OR2L13: variants seen among roughly 807,000 people sequenced by gnomAD.
OR2L13 encodes olfactory receptor 2L13.
OR2L13 carries 14 observed loss-of-function variants against 15.3 expected under a neutral mutation model. The observed-to-expected ratio is 0.91, with a 90% confidence interval of 0.60 to 1.43. OR2L13 has a LOEUF of 1.43. Ranked by LOEUF, OR2L13 falls within the 40% of genes most tolerant of loss-of-function variation. The pLI is 0.00. For synonymous variants in OR2L13, 152 were observed against 142.9 expected (o/e 1.06, Z -0.45); for missense variants, 367 against 387.9 (o/e 0.95, Z 0.45).
the OR2L13 span, chr1:247,965,551 A>T: frequency 3.7e-5 from 59 of 1,610,364 alleles, no homozygotes; most frequent in Non-Finnish European, 4.7e-5. Context: ...CCACACTCCA[A>T]TGTACTTTCT....
the OR2L13 span, among the ~76,000 whole-genome samples, chr1:247,987,330 G>C: frequency 2.0e-5 from 3 of 151,960 alleles, no homozygotes; most frequent in Non-Finnish European, 2.9e-5. Context: ...AAATTATCCT[G>C]CTTCCTTTCT....
At chr1:247,963,551 A>G in the OR2L13 span, among the ~76,000 whole-genome samples, 1 of 152,202 alleles carries the variant, frequency 6.6e-6, no homozygotes, top group Admixed American at 6.5e-5. Flanking sequence ...TGAAAAACAT[A>G]CATGCTTGGG....
intron 1 of OR2L13, among the ~76,000 whole-genome samples, chr1:248,097,664 A>C (rs1664767302): frequency 6.6e-6 from 1 of 152,158 alleles, no homozygotes; most frequent in African/African-American, 2.4e-5. Flanking sequence ...CTTCAAAACA[A>C]CTCCAGGATG....
At chr1:248,027,146 C>T in the OR2L13 span, among the ~76,000 whole-genome samples, 6 of 152,154 alleles carry the variant, frequency 3.9e-5, no homozygotes, top group African/African-American at 1.4e-4. Flanking sequence ...TCTAAAATGG[C>T]CACTTTGGGG....
chr1:248,040,521 C>T, the OR2L13 span: 3 of 152,314 alleles, frequency 2.0e-5, no homozygotes, highest in Admixed American at 1.3e-4. Flanking sequence ...TCCTCCGCCT[C>T]AGCCCACTCA....
the OR2L13 span, chr1:247,949,374 A>T: frequency 1.2e-6 from 2 of 1,614,208 alleles, no homozygotes; most frequent in Non-Finnish European, 1.7e-6. Flanking sequence ...ATCCAGGGCC[A>T]TCAATCATTT....
chr1:247,958,039 G>A, the OR2L13 span, among the ~76,000 whole-genome samples: 2 of 152,010 alleles, frequency 1.3e-5, no homozygotes. Flanking sequence ...ATGTTAGGGT[G>A]TCAATTTTAG....
At chr1:248,001,916 C>T in the OR2L13 span, among the ~76,000 whole-genome samples, 9 of 152,012 alleles carry the variant, frequency 5.9e-5, no homozygotes, top group Non-Finnish European at 1.3e-4. Flanking sequence ...TTAGACAGCC[C>T]TCTGTAAAAT....
the OR2L13 span, chr1:248,040,358 TAAG>T: frequency 6.6e-6 from 1 of 152,274 alleles, no homozygotes; most frequent in African/African-American, 2.4e-5. Flanking sequence ...AATGAGCAAG[TAAG>T]AAGAGCCTCA....
the OR2L13 span, among the ~76,000 whole-genome samples, chr1:248,068,203 T>TCCCTGAC: frequency 6.6e-6 from 1 of 152,072 alleles, no homozygotes; most frequent in Non-Finnish European, 1.5e-5. Context: ...CTCAAGTGGG[T>TCCCTGAC]CCCTGACCCC....
At chr1:248,030,523 A>G in the OR2L13 span, among the ~76,000 whole-genome samples, 75 of 152,344 alleles carry the variant, frequency 4.9e-4, no homozygotes, top group African/African-American at 1.6e-3. Flanking sequence ...CATGGGCTCA[A>G]GTGAAATTAA....
At chr1:248,036,090 C>A in the OR2L13 span, among the ~76,000 whole-genome samples, 1 of 152,108 alleles carries the variant, frequency 6.6e-6, no homozygotes, top group African/African-American at 2.4e-5. Context: ...TACATGCCAT[C>A]TGAATATGGT....
the OR2L13 span, among the ~76,000 whole-genome samples, chr1:248,043,790 C>G: frequency 6.6e-6 from 1 of 151,962 alleles, no homozygotes; most frequent in African/African-American, 2.4e-5. Context: ...AAGAGGAGGA[C>G]GTGTCCACCC....
chr1:247,955,833 T>G, the OR2L13 span, among the ~76,000 whole-genome samples: 5 of 152,018 alleles, frequency 3.3e-5, no homozygotes, highest in African/African-American at 7.2e-5. Context: ...GTAGATTCTG[T>G]ATATTATTAG....
the OR2L13 span, among the ~76,000 whole-genome samples, chr1:248,002,833 G>C: frequency 6.7e-6 from 1 of 150,172 alleles, no homozygotes; most frequent in Non-Finnish European, 1.5e-5. Flanking sequence ...ACTCCAGCCT[G>C]GGCGAAGCGA....
the OR2L13 span, among the ~76,000 whole-genome samples, chr1:248,071,209 T>C: frequency 6.6e-6 from 1 of 152,108 alleles, no homozygotes; most frequent in East Asian, 1.9e-4. Context: ...CTGATGAACA[T>C]TGATGCAAAA....
At chr1:248,021,072 G>A in the OR2L13 span, among the ~76,000 whole-genome samples, 1 of 152,104 alleles carries the variant, frequency 6.6e-6, no homozygotes, top group African/African-American at 2.4e-5. Context: ...TTCCTAATAA[G>A]ATCCATAATA....
At chr1:248,029,228 A>G in the OR2L13 span, 1 of 152,216 alleles carries the variant, frequency 6.6e-6, no homozygotes, top group Admixed American at 6.5e-5. Context: ...TATACATATC[A>G]AAATATATAT....
the OR2L13 span, among the ~76,000 whole-genome samples, chr1:248,021,256 A>G: frequency 3.3e-5 from 5 of 152,190 alleles, 1 homozygote; most frequent in South Asian, 6.2e-4. Context: ...TATTTGTCTC[A>G]TCAAATATTA....
Sources: allele counts gnomAD v4.1 joint callset (sites outside exome capture counted in the v4.1 genomes callset), GRCh38; gene constraint gnomAD v4.1.1; transcripts MANE v1.5; gene names NCBI Gene and HGNC (gene_info 2026-07-23, HGNC 2026-07-21).